RXFP1: variants seen among roughly 807,000 people sequenced by gnomAD.
RXFP1 encodes relaxin family peptide receptor 1, also known as relaxin receptor 1.
A neutral mutation model predicts 89.8 loss-of-function variants in RXFP1; 73 were observed. The observed-to-expected ratio is 0.81, with a 90% CI of 0.67 to 0.99. RXFP1 has a LOEUF of 0.99. Ranked by LOEUF, RXFP1 falls within the 50% of genes least tolerant of loss-of-function variation. RXFP1 has a pLI of 0.00. For synonymous variants in RXFP1, 277 were observed against 305.5 expected (o/e 0.91, Z 0.97); for missense variants, 793 against 895.5 (o/e 0.89, Z 1.46).
intron 9 of RXFP1, among the ~76,000 whole-genome samples, chr4:158,624,853 G>C (rs1411862154): frequency 1.3e-5 from 2 of 152,166 alleles, no homozygotes; most frequent in Middle Eastern, 6.8e-3. Flanking sequence ...CAGGAGGGGG[G>C]AAAAACAGTA....
At chr4:158,636,947 C>A (rs959773107) in intron 12 of RXFP1, among the ~76,000 whole-genome samples, 2 of 152,174 alleles carry the variant, frequency 1.3e-5, no homozygotes, top group African/African-American at 2.4e-5. Flanking sequence ...TCTCTACTTC[C>A]ATGAGTTCAA....
intron 1 of RXFP1, among the ~76,000 whole-genome samples, chr4:158,548,119 TG>T (rs1749021205): frequency 6.6e-6 from 1 of 152,244 alleles, no homozygotes; most frequent in Admixed American, 6.5e-5. Context: ...ACTTGCTTTA[TG>T]AATCTGGGTG....
chr4:158,633,364 CTT>C (rs1181250267), intron 11 of RXFP1, 39 bp from the exon 12 acceptor site: 4 of 1,296,750 alleles, frequency 3.1e-6, no homozygotes, highest in Non-Finnish European at 4.5e-6. Context: ...TGAGTAAAGT[CTT>C]AAGAAAATAA....
chr4:158,554,949 T>C (rs1407826271), intron 1 of RXFP1, among the ~76,000 whole-genome samples: 1 of 152,132 alleles, frequency 6.6e-6, no homozygotes, highest in Non-Finnish European at 1.5e-5. Context: ...AAAGCTTAAA[T>C]AAACACAATA....
chr4:158,610,690 G>A (rs1053004896), intron 6 of RXFP1: 2 of 1,289,676 alleles, frequency 1.6e-6, no homozygotes, highest in African/African-American at 3.0e-5. Context: ...AAACAGGTGA[G>A]CATAGGGAGC....
At chr4:158,590,347 T>G (rs918603955) in intron 2 of RXFP1, among the ~76,000 whole-genome samples, 1 of 152,108 alleles carries the variant, frequency 6.6e-6, no homozygotes, top group African/African-American at 2.4e-5. Flanking sequence ...GTATTTCTAA[T>G]GGGGGTTTCT....
chr4:158,636,785 T>C (rs1769256235), intron 12 of RXFP1, among the ~76,000 whole-genome samples: 1 of 152,248 alleles, frequency 6.6e-6, no homozygotes, highest in Non-Finnish European at 1.5e-5. Flanking sequence ...TCTTAGCAAT[T>C]TTCAAGAATA....
intron 1 of RXFP1, among the ~76,000 whole-genome samples, chr4:158,532,135 G>A (rs1038993851): frequency 6.6e-6 from 1 of 151,524 alleles, no homozygotes; most frequent in Non-Finnish European, 1.5e-5. Flanking sequence ...CCTTTTGTGC[G>A]TGTTTACCCA....
At chr4:158,533,068 A>T (rs1287151863) in intron 1 of RXFP1, among the ~76,000 whole-genome samples, 1 of 152,220 alleles carries the variant, frequency 6.6e-6, no homozygotes, top group Non-Finnish European at 1.5e-5. Context: ...ACACATGCTT[A>T]ACCCTTAACT....
At chr4:158,577,175 C>G (rs1490633752) in intron 2 of RXFP1, among the ~76,000 whole-genome samples, 2 of 152,050 alleles carry the variant, frequency 1.3e-5, no homozygotes, top group African/African-American at 4.8e-5. Context: ...AGAGCTGGGG[C>G]TACAGGTGTG....
intron 10 of RXFP1, 72 bp downstream of exon 10, chr4:158,626,963 A>G (rs1201906395): frequency 5.4e-6 from 4 of 734,592 alleles, no homozygotes; most frequent in Admixed American, 7.1e-5. Flanking sequence ...CACCCATTTT[A>G]TGGAAAAAAA....
intron 1 of RXFP1, among the ~76,000 whole-genome samples, chr4:158,554,462 C>A (rs1205011367): frequency 6.6e-6 from 1 of 152,158 alleles, no homozygotes; most frequent in Non-Finnish European, 1.5e-5. Context: ...GCATATATGT[C>A]TTTTATCTTA....
intron 3 of RXFP1, among the ~76,000 whole-genome samples, chr4:158,594,888 T>C (rs1410413669): frequency 2.6e-5 from 4 of 152,190 alleles, no homozygotes; most frequent in African/African-American, 9.6e-5. Flanking sequence ...TATGTCTGAA[T>C]AATTGAGGCT....
At chr4:158,627,220 T>G (rs1489821407) in intron 10 of RXFP1, among the ~76,000 whole-genome samples, 1 of 152,172 alleles carries the variant, frequency 6.6e-6, no homozygotes, top group African/African-American at 2.4e-5. Flanking sequence ...TAATTCCTTC[T>G]TATGCATCTC....
intron 17 of RXFP1, among the ~76,000 whole-genome samples, chr4:158,651,527 G>A (rs143856479): frequency 1.9e-4 from 29 of 152,168 alleles, no homozygotes; most frequent in Non-Finnish European, 3.5e-4. Context: ...TTCAAGAAGA[G>A]CTACTTAGCA....
At chr4:158,619,172 C>T (rs1467749341) in intron 9 of RXFP1, among the ~76,000 whole-genome samples, 2 of 152,042 alleles carry the variant, frequency 1.3e-5, no homozygotes, top group African/African-American at 2.4e-5. Flanking sequence ...CAATTTCAAG[C>T]ACATATGAAT....
intron 11 of RXFP1, among the ~76,000 whole-genome samples, chr4:158,629,894 G>T (rs1767699400): frequency 6.6e-6 from 1 of 151,914 alleles, no homozygotes; most frequent in Admixed American, 6.6e-5. Flanking sequence ...CATACTTTTG[G>T]TATTACAGAC....
At chr4:158,561,267 C>A (rs1200617691) in intron 1 of RXFP1, among the ~76,000 whole-genome samples, 1 of 152,132 alleles carries the variant, frequency 6.6e-6, no homozygotes, top group Non-Finnish European at 1.5e-5. Context: ...TGGATTATCC[C>A]TAATCTGAAA....
chr4:158,626,823 C>T lies in RXFP1; in HGVS notation c.759C>T (p.Asp253=). Residue 253 remains aspartate, a synonymous_variant, in exon 10 of 18, where the codon GAC becomes GAT. Coordinates refer to ENST00000307765, the MANE Select transcript of RXFP1 (RefSeq NM_021634.4). The part of the protein sequence containing the change: ...CQHMPRLHWL[D]LEGNHIHNLR... ...TCGTTTTATTTTTATGTTCCAGGGACCTTGAAGGCAACCATATCCATAATT... is the reference window on the plus strand; with the variant it reads ...TCGTTTTATTTTTATGTTCCAGGGATCTTGAAGGCAACCATATCCATAATT... 4 of 1,557,252 alleles carry T rather than the reference C, an allele frequency of 2.6e-6. No individual in the cohort carries two copies. The highest frequency in any genetic ancestry group is 1.2e-5 in the South Asian group (1 of 84,790).
Sources: gnomAD v4.1 joint callset for allele counts (sites outside exome capture counted in the v4.1 genomes callset) on GRCh38, gnomAD v4.1.1 for gene constraint, MANE v1.5 for transcripts, NCBI Gene and HGNC (gene_info 2026-07-23, HGNC 2026-07-21) for gene names.